The following LTBP1 variants were observed in gnomAD, a reference collection of about 807,000 sequenced individuals.
LTBP1 encodes the protein latent-transforming growth factor beta-binding protein 1.
A neutral mutation model predicts 207.6 loss-of-function variants in LTBP1; 129 were observed. The observed-to-expected ratio is 0.62, with a 90% confidence interval of 0.54 to 0.72. The LOEUF is 0.72. Among genes scored for constraint, LTBP1 ranks in the 30% least tolerant of loss-of-function variants. LTBP1 has a pLI of 0.00. For synonymous variants in LTBP1, 963 were observed against 833.7 expected, an observed-to-expected ratio of 1.16 and a Z score of -2.67; for missense variants, 2,281 against 2,217.2, an observed-to-expected ratio of 1.03 and a Z score of -0.58.
At chr2:33,022,221 C>A (rs2149234312) in intron 3 of LTBP1, among the ~76,000 whole-genome samples, 1 of 149,500 alleles carries the variant, frequency 6.7e-6, no homozygotes, top group African/African-American at 2.4e-5. Context: ...ACTGTTTCTT[C>A]TGAGTGTGGT....
intron 9 of LTBP1, among the ~76,000 whole-genome samples, chr2:33,240,013 A>G (rs186560701): frequency 4.8e-4 from 73 of 152,282 alleles, no homozygotes; most frequent in African/African-American, 1.6e-3. Flanking sequence ...TAAAATGACA[A>G]ATATTGTAAT....
At chr2:32,960,697 G>C (rs6759278) in intron 2 of LTBP1, among the ~76,000 whole-genome samples, 7,594 of 152,256 alleles carry the variant, frequency 0.05, 224 homozygotes, top group Middle Eastern at 0.058. Context: ...ACTGGAGGTG[G>C]GGAGAGGGCT....
At chr2:33,141,962 C>T (rs554812460) in intron 5 of LTBP1, among the ~76,000 whole-genome samples, 6 of 152,082 alleles carry the variant, frequency 3.9e-5, no homozygotes, top group Non-Finnish European at 8.8e-5. Context: ...GGATACAGTC[C>T]TGGAATTCTT....
At chr2:33,263,451 T>C (rs1314749958) in intron 15 of LTBP1, 59 bp downstream of exon 15, 1 of 1,245,750 alleles carries the variant, frequency 8.0e-7, no homozygotes, top group East Asian at 2.3e-5. Context: ...CTGAGCTTCA[T>C]TTTAAATGTA....
At chr2:33,200,017 G>A (rs1364170821) in intron 7 of LTBP1, among the ~76,000 whole-genome samples, 1 of 152,080 alleles carries the variant, frequency 6.6e-6, no homozygotes, top group Non-Finnish European at 1.5e-5. Context: ...TCATGGGTAG[G>A]AAGAATCAAT....
intron 31 of LTBP1, among the ~76,000 whole-genome samples, chr2:33,382,061 C>T (rs1384275334): frequency 1.5e-5 from 2 of 136,422 alleles, no homozygotes; most frequent in Non-Finnish European, 3.1e-5. Flanking sequence ...CAGCAGTTAG[C>T]GCCCTACTGC....
chr2:33,193,881 C>A (rs2088223079), intron 7 of LTBP1, among the ~76,000 whole-genome samples: 1 of 152,182 alleles, frequency 6.6e-6, no homozygotes, highest in Non-Finnish European at 1.5e-5. Context: ...TCCCTATTGG[C>A]TGAAACACAA....
In LTBP1 at chr2:33,188,568, C is replaced by G. The variant is rs993746830; in HGVS notation, c.1427-9C>G. 1.2e-6 allele frequency: 2 copies of G among 1,602,448 alleles called. No homozygotes were observed. Among genetic ancestry groups the G allele is most frequent in the Non-Finnish European group, 1.7e-6 (2 of 1,174,070 alleles). On this transcript the variant is annotated splice_polypyrimidine_tract_variant and intron_variant, in intron 6 of 33. Coordinates refer to ENST00000404816, the MANE Select transcript of LTBP1 (RefSeq NM_206943.4). ...AGGACTAACAAGTTTTCCTCCCAAT[C>G]TGTTGTAGTGAAATTTCCTCCTAAC...
intron 18 of LTBP1, among the ~76,000 whole-genome samples, chr2:33,279,657 G>A (rs530763576): frequency 4.5e-4 from 69 of 152,252 alleles, no homozygotes; most frequent in African/African-American, 1.6e-3. Flanking sequence ...CTAGCTGGGT[G>A]GATACATAGC....
At chr2:33,255,761 G>A (rs1040629360) in intron 11 of LTBP1, among the ~76,000 whole-genome samples, 1 of 152,152 alleles carries the variant, frequency 6.6e-6, no homozygotes, top group Non-Finnish European at 1.5e-5. Flanking sequence ...ACTATAAGCA[G>A]TATTTTTAGA....
At chr2:33,271,670 G>A (rs1471754258) in intron 15 of LTBP1, among the ~76,000 whole-genome samples, 2 of 152,256 alleles carry the variant, frequency 1.3e-5, no homozygotes, top group African/African-American at 4.8e-5. Context: ...TGAAGAAAAT[G>A]CTAATCCTAA....
intron 3 of LTBP1, among the ~76,000 whole-genome samples, chr2:33,081,412 C>G (rs2078391061): frequency 1.3e-5 from 2 of 152,094 alleles, no homozygotes; most frequent in Admixed American, 1.3e-4. Context: ...CGAGCATACA[C>G]ACATGCACAC....
At chr2:33,224,632 A>G (rs1192365967) in intron 9 of LTBP1, among the ~76,000 whole-genome samples, 2 of 152,172 alleles carry the variant, frequency 1.3e-5, no homozygotes, top group African/African-American at 4.8e-5. Context: ...CAGATTTCCC[A>G]TTACTACTTT....
chr2:33,235,468 G>T (rs2091996109), intron 9 of LTBP1, among the ~76,000 whole-genome samples: 2 of 152,206 alleles, frequency 1.3e-5, no homozygotes, highest in Admixed American at 6.5e-5. Flanking sequence ...GTGTAAATTA[G>T]TTCAACCATT....
chr2:33,375,602 A>G (rs994023586), intron 31 of LTBP1, among the ~76,000 whole-genome samples: 4 of 151,992 alleles, frequency 2.6e-5, no homozygotes, highest in African/African-American at 9.7e-5. Flanking sequence ...ATCTCGGCTC[A>G]CTGCAAGCTC....
intron 4 of LTBP1, among the ~76,000 whole-genome samples, chr2:33,124,128 G>A (rs1335204020): frequency 1.7e-4 from 26 of 152,166 alleles, no homozygotes; most frequent in Non-Finnish European, 1.5e-5. Flanking sequence ...CTCAAATGCG[G>A]CCAGGTACGG....
At position 32,947,727 on chromosome 2, in the gene LTBP1, G is replaced by T; in HGVS notation, c.403G>T (p.Gly135Cys). Reference sequence around the variant, plus strand: ...GGCAGCCGCCCCGTTCACCAAACAAGGCAGGCAAGTTGTGCGCTCCAAGGT... The same window carrying T: ...GGCAGCCGCCCCGTTCACCAAACAATGCAGGCAAGTTGTGCGCTCCAAGGT... ...HPAAAPFTKQ[G>C]RQVVRSKVPQ... The change falls in exon 1 of 34, where the codon GGC becomes TGC. Residue 135 changes from glycine (G) to cysteine (C), a missense_variant. Around this residue, in one of 3 missense-constraint regions of LTBP1, gnomAD observed 555 missense variants for 491.0 expected, o/e 1.13. Coordinates refer to ENST00000404816, the MANE Select transcript of LTBP1 (RefSeq NM_206943.4). 6.5e-7 allele frequency: 1 copy of T among 1,536,906 alleles called. No individual in the cohort carries two copies.
chr2:33,376,306 C>G (rs1558320516), intron 31 of LTBP1, among the ~76,000 whole-genome samples: 1 of 152,208 alleles, frequency 6.6e-6, no homozygotes, highest in African/African-American at 2.4e-5. Context: ...TGATATGATT[C>G]TCTTAGGCAC....
intron 9 of LTBP1, among the ~76,000 whole-genome samples, chr2:33,224,293 G>C (rs775514067): frequency 1.3e-5 from 2 of 152,200 alleles, no homozygotes; most frequent in Non-Finnish European, 2.9e-5. Flanking sequence ...AGAGGACAGA[G>C]GAGGGTCCTT....
Sources: allele counts gnomAD v4.1 joint callset (sites outside exome capture counted in the v4.1 genomes callset), GRCh38; gene constraint gnomAD v4.1.1; regional missense constraint gnomAD v4.1.1; transcripts MANE v1.5; gene names NCBI Gene and HGNC (gene_info 2026-07-23, HGNC 2026-07-21).